MUC7: variants seen among roughly 807,000 people sequenced by gnomAD.
MUC7 encodes mucin-7.
In MUC7, 2 loss-of-function variants were observed where a neutral mutation model predicts 2.5. The observed-to-expected ratio is 0.81, with a 90% CI of 0.33 to 2.55. The LOEUF is 2.55. Ranked by LOEUF, MUC7 falls within the 30% of genes most tolerant of loss-of-function variation. The pLI is 0.11. For missense variants in MUC7, 408 were observed against 455.6 expected (o/e 0.90, Z 0.95); for synonymous variants, 133 against 173.4 (o/e 0.77, Z 1.83).
upstream of MUC7, among the ~76,000 whole-genome samples, chr4:70,468,291 G>A (rs1006948437): frequency 6.6e-6 from 1 of 152,098 alleles, no homozygotes; most frequent in East Asian, 1.9e-4. Flanking sequence ...CAAACCCACA[G>A]CCAATATCAT....
In MUC7 at chr4:70,435,459, G is replaced by A. The variant is rs541767984; in HGVS notation, c.-93+4772G>A. ...TTGATCGCTTTACCATTATGTAATG[G>A]CCTCCTTTGTCTCTTTTGATCTTTG... On this transcript the variant is annotated intron_variant, in intron 1 of 3. Coordinates refer to the MUC7 transcript ENST00000413702. Among the ~76,000 whole-genome samples the A allele has an allele frequency of 4.3e-4, 65 of 152,154 alleles. No individual in the cohort carries two copies. The East Asian group carries it at 0.011, about 25-fold the overall frequency.
intron 1 of MUC7, among the ~76,000 whole-genome samples, chr4:70,438,883 C>A (rs1733931842): frequency 6.6e-6 from 1 of 152,112 alleles, no homozygotes; most frequent in Non-Finnish European, 1.5e-5. Flanking sequence ...GACACTAATA[C>A]AAGGTAAACA....
At chr4:70,448,380 T>C (rs547629077) in intron 1 of MUC7, among the ~76,000 whole-genome samples, 1 of 152,304 alleles carries the variant, frequency 6.6e-6, no homozygotes, top group South Asian at 2.1e-4. Flanking sequence ...TCCACAGTGT[T>C]TGTACTAATT....
intron 1 of MUC7, among the ~76,000 whole-genome samples, chr4:70,464,373 G>A (rs1216062939): frequency 1.3e-5 from 2 of 152,094 alleles, no homozygotes; most frequent in Non-Finnish European, 2.9e-5. Flanking sequence ...TACCCCAGTG[G>A]CACCTGGAAC....
intron 1 of MUC7, among the ~76,000 whole-genome samples, chr4:70,449,295 C>T (rs1259572042): frequency 3.9e-5 from 6 of 152,026 alleles, no homozygotes; most frequent in East Asian, 3.9e-4. Flanking sequence ...CAATGTGGCT[C>T]GGGAGGCCTC....
chr4:70,449,101 A>G (rs1396344158), intron 1 of MUC7, among the ~76,000 whole-genome samples: 4 of 152,148 alleles, frequency 2.6e-5, no homozygotes, highest in Non-Finnish European at 5.9e-5. Context: ...TTTTGGTATC[A>G]GGGTAATACT....
chr4:70,474,054 T>C lies in MUC7; in HGVS notation c.33T>C (p.Cys11=). The change falls in exon 2 of 3, where the codon TGT becomes TGC. Residue 11 remains cysteine, a synonymous_variant. Transcript: ENST00000304887. MKTLPLFVCI[C]ALSACFSFSE... is the part of the protein sequence containing the mutation. ...CTCTGCCGCTGTTTGTGTGCATCTG[T>C]GCACTGAGTGCTTGCTTCTCGGTAA... The C allele has an allele frequency of 1.2e-6, 2 of 1,613,280 alleles. No homozygotes were observed. Among genetic ancestry groups the C allele is most frequent in the Non-Finnish European group, 1.7e-6 (2 of 1,179,514 alleles).
Position 70,474,033 on chromosome 4 carries a change from G to A in MUC7, c.12G>A (p.Leu4=). The A allele has an allele frequency of 1.2e-6, 2 of 1,612,866 alleles. No individual in the cohort carries two copies. Among genetic ancestry groups the A allele is most frequent in the Non-Finnish European group, 1.7e-6 (2 of 1,179,358 alleles). MKT[L]PLFVCICALS... ...AGACATCAGAAAGAATGAAAACTCT[G>A]CCGCTGTTTGTGTGCATCTGTGCAC... Residue 4 remains leucine (L), a synonymous_variant, in exon 2 of 3, where the codon CTG becomes CTA. Coordinates refer to ENST00000304887, the MANE Select transcript of MUC7 (RefSeq NM_152291.3).
chr4:70,442,875 T>G (rs1734042595), intron 1 of MUC7, among the ~76,000 whole-genome samples: 1 of 152,200 alleles, frequency 6.6e-6, no homozygotes, highest in Non-Finnish European at 1.5e-5. Flanking sequence ...AGCAAGTACC[T>G]TCTTCAGTTA....
chr4:70,472,566 T>A (rs1377380580), intron 1 of MUC7, among the ~76,000 whole-genome samples: 1 of 152,200 alleles, frequency 6.6e-6, no homozygotes, highest in East Asian at 1.9e-4. Flanking sequence ...TTGGGTCAGA[T>A]TGTTTTCTTC....
chr4:70,450,854 C>T (rs1329774465), intron 1 of MUC7, among the ~76,000 whole-genome samples: 9 of 152,142 alleles, frequency 5.9e-5, no homozygotes, highest in Non-Finnish European at 1.3e-4. Flanking sequence ...CCTTCCCTTT[C>T]TCTCCTTAAA....
intron 2 of MUC7, among the ~76,000 whole-genome samples, chr4:70,479,738 A>G (rs983758832): frequency 7.9e-5 from 12 of 152,252 alleles, no homozygotes; most frequent in African/African-American, 2.9e-4. Flanking sequence ...AGGAAATAAA[A>G]ATATCTTGCA....
At chr4:70,460,913 C>T (rs545838306) in intron 1 of MUC7, among the ~76,000 whole-genome samples, 1 of 152,312 alleles carries the variant, frequency 6.6e-6, no homozygotes, top group African/African-American at 2.4e-5. Context: ...AGTGCAAGTT[C>T]CCTATCTGGT....
intron 1 of MUC7, among the ~76,000 whole-genome samples, chr4:70,447,794 A>G (rs1379982529): frequency 2.0e-5 from 3 of 152,162 alleles, no homozygotes; most frequent in Admixed American, 2.0e-4. Flanking sequence ...CAAACAATCC[A>G]ACTATACTCT....
At chr4:70,461,807 C>CAAA (rs58140033) in intron 1 of MUC7, among the ~76,000 whole-genome samples, 13 of 135,494 alleles carry the variant, frequency 9.6e-5, no homozygotes, top group East Asian at 4.1e-4. Flanking sequence ...ATCTTAAAAT[C>CAAA]AAAAAAAAAA....
intron 1 of MUC7, among the ~76,000 whole-genome samples, chr4:70,437,974 G>A (rs986115728): frequency 2.6e-5 from 4 of 152,200 alleles, no homozygotes; most frequent in Admixed American, 6.5e-5. Context: ...TATATAAAGA[G>A]CTAGCTTTGG....
chr4:70,458,429 A>T (rs971465140), intron 1 of MUC7, among the ~76,000 whole-genome samples: 1 of 152,116 alleles, frequency 6.6e-6, no homozygotes, highest in Admixed American at 6.6e-5. Flanking sequence ...GTGTTCACTT[A>T]TTATGCTTTG....
At chr4:70,473,876 T>C (rs1203634674) in intron 1 of MUC7, 131 bp from the exon 2 acceptor site, 1 of 621,858 alleles carries the variant, frequency 1.6e-6, no homozygotes, top group Non-Finnish European at 2.7e-6. Context: ...AATGAAAATG[T>C]ATACATAATT....
intron 1 of MUC7, among the ~76,000 whole-genome samples, chr4:70,444,844 G>A (rs1734088780): frequency 6.6e-6 from 1 of 152,124 alleles, no homozygotes; most frequent in South Asian, 2.1e-4. Flanking sequence ...CTGAGGTCAG[G>A]AGTTCGAGAC....
Sources: gnomAD v4.1 joint callset for allele counts (sites outside exome capture counted in the v4.1 genomes callset) on GRCh38, gnomAD v4.1.1 for gene constraint, MANE v1.5 for transcripts, NCBI Gene and HGNC (gene_info 2026-07-23, HGNC 2026-07-21) for gene names.